CPT1A: variants seen among roughly 807,000 people sequenced by gnomAD.
CPT1A encodes carnitine O-palmitoyltransferase 1, liver isoform.
A neutral mutation model predicts 100.8 loss-of-function variants in CPT1A; 64 were observed. The ratio of observed to expected loss-of-function variants is 0.63; its 90% CI spans 0.52 to 0.78. The LOEUF (loss-of-function observed/expected upper bound fraction) is 0.78, where lower values mean the gene tolerates loss of function less well. CPT1A is among the 30% of genes least tolerant of loss of function. CPT1A has a pLI of 0.00. For synonymous variants in CPT1A, 363 were observed against 396.0 expected (o/e 0.92, Z 0.99); for missense variants, 802 against 1,034.1 (o/e 0.78, Z 3.08).
At chr11:68,785,915 C>A in intron 9 of CPT1A, 1 of 659,974 alleles carries the variant, frequency 1.5e-6, no homozygotes, top group South Asian at 1.6e-5. Context: ...ATTTAAGCTC[C>A]TCAGTAAGCT....
At position 68,757,346 on chromosome 11, in the gene CPT1A, A is replaced by C. The variant is rs1250298979; in HGVS notation, c.*298T>G. On this transcript the variant is annotated 3_prime_UTR_variant, in exon 19 of 19. Transcript: ENST00000265641. ...TGTGTGTGAAGCCACAACCCTACTA[A>C]TTCCTTCATTAACTCAACAAGATTT... 1 of 1,280,314 alleles carries C rather than the reference A, an allele frequency of 7.8e-7. No homozygotes were observed. Among genetic ancestry groups the C allele is most frequent in the Non-Finnish European group, 1.0e-6 (1 of 1,005,000 alleles). 79.3% of individuals were successfully genotyped at this position (1,280,314 alleles called of 1,614,324 possible). A position where few individuals can be genotyped will look rare whatever the true frequency, so the allele number is the denominator to read the frequency against.
upstream of CPT1A, among the ~76,000 whole-genome samples, chr11:68,843,765 GGGCTGGGCCAGGGCAC>G (rs1458686088): frequency 6.6e-6 from 1 of 152,260 alleles, no homozygotes; most frequent in Non-Finnish European, 1.5e-5. This position sits in a 1 kb window ranked among gnomAD's most constrained non-coding sequence, Gnocchi z 4.0. Flanking sequence ...AGAGGCCAGT[GGGCTGGGCCAGGGCAC>G]ACGTTCCTGA....
chr11:68,788,630 T>TTAAAAAAAAA (rs746681111), intron 9 of CPT1A, among the ~76,000 whole-genome samples: 6 of 27,548 alleles, frequency 2.2e-4, no homozygotes, highest in Non-Finnish European at 3.1e-4. Context: ...CAAACAAAAG[T>TTAAAAAAAAA]AAAAAAAAAA....
At chr11:68,800,048 C>T (rs1197626303) in intron 5 of CPT1A, among the ~76,000 whole-genome samples, 1 of 152,046 alleles carries the variant, frequency 6.6e-6, no homozygotes, top group Admixed American at 6.6e-5. Flanking sequence ...TCTGTTCTGA[C>T]CTAAGTAAGT....
intron 1 of CPT1A, among the ~76,000 whole-genome samples, chr11:68,827,456 T>C (rs1441362564): frequency 6.6e-6 from 1 of 152,210 alleles, no homozygotes; most frequent in African/African-American, 2.4e-5. Context: ...GAATAACACC[T>C]GTGTACCCTC....
intron 17 of CPT1A, 140 bp from the exon 18 acceptor site, chr11:68,759,801 G>A (rs555934541): frequency 2.8e-6 from 2 of 724,174 alleles, no homozygotes; most frequent in Non-Finnish European, 5.0e-6. Flanking sequence ...GCTGAGGCAG[G>A]CGGGTCACTT....
chr11:68,791,788 C>T (rs1035836422), intron 9 of CPT1A, among the ~76,000 whole-genome samples: 30 of 152,020 alleles, frequency 2.0e-4, no homozygotes, highest in Admixed American at 1.2e-3. Context: ...CTGCCCACTT[C>T]GGCCTCCCAA....
intron 10 of CPT1A, 65 bp downstream of exon 10, chr11:68,784,750 G>T: frequency 6.7e-7 from 1 of 1,486,844 alleles, no homozygotes; most frequent in Non-Finnish European, 9.2e-7. Flanking sequence ...GGTGGGGATG[G>T]GCCCCAGTGA....
At chr11:68,791,929 A>G (rs1342595392) in intron 9 of CPT1A, among the ~76,000 whole-genome samples, 1 of 152,172 alleles carries the variant, frequency 6.6e-6, no homozygotes, top group Admixed American at 6.6e-5. Flanking sequence ...CTTTTGTGCA[A>G]GGATACAGCA....
chr11:68,794,731 A>C, intron 8 of CPT1A, 73 bp downstream of exon 8: 1 of 1,261,374 alleles, frequency 7.9e-7, no homozygotes, highest in South Asian at 1.2e-5. Context: ...TATTTTAAAC[A>C]TGTGCAATAT....
intron 1 of CPT1A, among the ~76,000 whole-genome samples, chr11:68,831,637 C>CT (rs11372679): frequency 0.43 from 60,738 of 142,726 alleles, 14,711 homozygotes; most frequent in Admixed American, 0.61. Context: ...CAGCACATTC[C>CT]TTTTTTTTTT....
At chr11:68,788,518 G>T (rs1855523753) in intron 9 of CPT1A, among the ~76,000 whole-genome samples, 1 of 151,010 alleles carries the variant, frequency 6.6e-6, no homozygotes, top group African/African-American at 2.4e-5. Flanking sequence ...ACAATCGCTT[G>T]AAACTGGAAG....
At chr11:68,771,202 G>A (rs1181419347) in intron 14 of CPT1A, among the ~76,000 whole-genome samples, 1 of 152,150 alleles carries the variant, frequency 6.6e-6, no homozygotes, top group African/African-American at 2.4e-5. Context: ...GCCTTTTCAG[G>A]TTTTCTACCT....
chr11:68,777,553 G>C (rs1356070981), intron 12 of CPT1A, among the ~76,000 whole-genome samples: 1 of 152,226 alleles, frequency 6.6e-6, no homozygotes, highest in Non-Finnish European at 1.5e-5. Context: ...TCTGTGTATG[G>C]ATCACATAAG....
At chr11:68,837,571 G>A (rs778208165) in intron 1 of CPT1A, among the ~76,000 whole-genome samples, 2 of 152,150 alleles carry the variant, frequency 1.3e-5, no homozygotes, top group Non-Finnish European at 2.9e-5. Context: ...GCATTGAGGG[G>A]GGACCCAAAT....
chr11:68,833,664 G>A (rs553101023), intron 1 of CPT1A, among the ~76,000 whole-genome samples: 2 of 152,236 alleles, frequency 1.3e-5, no homozygotes, highest in South Asian at 2.1e-4. Context: ...AACCTGGTTG[G>A]TGGAGGTTGC....
Position 68,773,260 on chromosome 11 carries a change from C to T in CPT1A, c.1740+5G>A. On this transcript the variant is annotated splice_donor_5th_base_variant and intron_variant, in intron 14 of 18. Transcript: ENST00000265641. ...ACGACAAAACCCTAGGCGGTCAGTT[C>T]TTACCTTGTAGTGCGCCAGCTGGAG... The T allele has an allele frequency of 6.2e-7, 1 of 1,613,984 alleles. No individual in the cohort carries two copies. Among genetic ancestry groups the T allele is most frequent in the Non-Finnish European group, 8.5e-7 (1 of 1,180,012 alleles).
At chr11:68,786,718 G>A in intron 9 of CPT1A, among the ~76,000 whole-genome samples, 1 of 152,136 alleles carries the variant, frequency 6.6e-6, no homozygotes, top group Non-Finnish European at 1.5e-5. Flanking sequence ...TAGTAGAGAT[G>A]GGGTTTCACC....
chr11:68,768,363 C>T (rs1054603067), intron 14 of CPT1A, among the ~76,000 whole-genome samples: 6 of 152,070 alleles, frequency 3.9e-5, no homozygotes, highest in Non-Finnish European at 8.8e-5. Context: ...GCATGACCCA[C>T]TGTGCCCGGC....
Sources: allele counts gnomAD v4.1 joint callset (sites outside exome capture counted in the v4.1 genomes callset), GRCh38; gene constraint gnomAD v4.1.1; non-coding constraint Gnocchi (gnomAD v3.1); transcripts MANE v1.5; gene names NCBI Gene and HGNC (gene_info 2026-07-23, HGNC 2026-07-21).